EXOC6B: variants seen among roughly 807,000 people sequenced by gnomAD.
The protein encoded by EXOC6B is exocyst complex component 6B.
In EXOC6B, 54 loss-of-function variants were observed where a neutral mutation model predicts 113.5. The observed-to-expected ratio is 0.48, with a 90% CI of 0.38 to 0.60. The LOEUF (loss-of-function observed/expected upper bound fraction) is 0.60, where lower values mean the gene tolerates loss of function less well. Ranked by LOEUF, EXOC6B falls within the 20% of genes least tolerant of loss-of-function variation. EXOC6B has a pLI of 0.00. For missense variants in EXOC6B, 797 were observed against 977.5 expected, an observed-to-expected ratio of 0.82 and a Z score of 2.46; for synonymous variants, 357 against 339.0, an observed-to-expected ratio of 1.05 and a Z score of -0.58.
chr2:72,294,022 G>T (rs531509087), intron 20 of EXOC6B, among the ~76,000 whole-genome samples: 1 of 151,518 alleles, frequency 6.6e-6, no homozygotes, highest in African/African-American at 2.4e-5. Context: ...TCAATAGGAT[G>T]TAAGGAAGAA....
chr2:72,737,579 T>C (rs1283083569), intron 2 of EXOC6B, among the ~76,000 whole-genome samples: 1 of 152,148 alleles, frequency 6.6e-6, no homozygotes, highest in Admixed American at 6.6e-5. Flanking sequence ...TCAGGCTGAG[T>C]GCAGTGGCTC....
intron 18 of EXOC6B, among the ~76,000 whole-genome samples, chr2:72,441,841 C>A (rs1223584244): frequency 6.6e-6 from 1 of 152,202 alleles, no homozygotes; most frequent in Admixed American, 6.5e-5. Flanking sequence ...AGAGCATGTA[C>A]CATTCCTACT....
chr2:72,196,119 A>G (rs1008544116), intron 20 of EXOC6B, among the ~76,000 whole-genome samples: 2 of 152,214 alleles, frequency 1.3e-5, no homozygotes, highest in African/African-American at 4.8e-5. Flanking sequence ...GTGAATTTCA[A>G]TCAAAAAACT....
chr2:72,235,622 G>C (rs1681912694), intron 20 of EXOC6B, among the ~76,000 whole-genome samples: 1 of 151,868 alleles, frequency 6.6e-6, no homozygotes, highest in Non-Finnish European at 1.5e-5. Context: ...ATGCTGTCTA[G>C]AAACTGAGTG....
In EXOC6B at chr2:72,324,882, T is replaced by C. The variant is rs1481345522; in HGVS notation, c.2196+10065A>G. Among the ~76,000 whole-genome samples the C allele has an allele frequency of 2.6e-5, 4 of 152,050 alleles. No homozygotes were observed. In the East Asian group the frequency reaches 7.7e-4, roughly 29 times the overall value. On this transcript the variant is annotated intron_variant, in intron 20 of 21. Transcript: ENST00000272427. ...TTTCTTTCTTCATACCTAAGGGGAT[T>C]TGGAAAAATGCTGAGCATTCAGCAT...
At chr2:72,538,119 G>A (rs1158690600) in intron 8 of EXOC6B, among the ~76,000 whole-genome samples, 3 of 151,606 alleles carry the variant, frequency 2.0e-5, no homozygotes, top group Non-Finnish European at 4.4e-5. Context: ...AACCACAGCC[G>A]GCTAATTTTT....
rs1677938791 is a variant in EXOC6B, at chr2:72,179,329, C to T, written c.*6G>A. On this transcript the variant is annotated 3_prime_UTR_variant, in exon 22 of 22. Transcript: ENST00000272427. Reference sequence around the variant, plus strand: ...CAGGTCGCCTCTGTGGGTCCGGGGTCACCCTTCATGAGTGGTGGCTGCTGA... The same window carrying T: ...CAGGTCGCCTCTGTGGGTCCGGGGTTACCCTTCATGAGTGGTGGCTGCTGA... 1.3e-6 allele frequency: 2 copies of T among 1,599,648 alleles called. No homozygotes were observed. Among genetic ancestry groups the T allele is most frequent in the Non-Finnish European group, 1.7e-6 (2 of 1,172,188 alleles).
intron 14 of EXOC6B, among the ~76,000 whole-genome samples, 184 bp from the exon 15 acceptor site, chr2:72,495,723 CA>C (rs1320916989): frequency 1.3e-5 from 2 of 152,040 alleles, no homozygotes; most frequent in South Asian, 2.1e-4. Context: ...TTAAATAAAA[CA>C]ATAATTCAAA....
At chr2:72,670,894 A>C (rs1675745165) in intron 6 of EXOC6B, among the ~76,000 whole-genome samples, 1 of 152,126 alleles carries the variant, frequency 6.6e-6, no homozygotes, top group East Asian at 1.9e-4. Context: ...ATCCAGTTCT[A>C]TGATGAATCC....
At chr2:72,603,997 A>G (rs1311082060) in intron 6 of EXOC6B, among the ~76,000 whole-genome samples, 4 of 152,102 alleles carry the variant, frequency 2.6e-5, no homozygotes, top group Admixed American at 6.6e-5. Flanking sequence ...GATATGCTAG[A>G]ATGTTTTTTC....
At position 72,687,185 on chromosome 2, in the gene EXOC6B, T is replaced by C. The variant is rs375831790; in HGVS notation, c.669+30918A>G. 1.5e-4 allele frequency among the ~76,000 whole-genome samples: 23 copies of C among 152,218 alleles called. 2 individuals are homozygous for C. The highest frequency in any genetic ancestry group is 4.6e-4 in the African/African-American group (19 of 41,558). On this transcript the variant is annotated intron_variant, in intron 6 of 21. Coordinates refer to ENST00000272427, the MANE Select transcript of EXOC6B (RefSeq NM_015189.3). ...TTTTTCCCCAACTTCCCAACTTTCA[T>C]TCTTATGTTTTTCTTACTTTATAGT...
At chr2:72,208,841 T>A (rs1679990820) in intron 20 of EXOC6B, among the ~76,000 whole-genome samples, 3 of 152,186 alleles carry the variant, frequency 2.0e-5, no homozygotes, top group African/African-American at 7.2e-5. Flanking sequence ...CAATACAGCT[T>A]TTTCTCTCTA....
chr2:72,448,920 A>G (rs538286920), intron 18 of EXOC6B, among the ~76,000 whole-genome samples: 183 of 152,320 alleles, frequency 1.2e-3, no homozygotes, highest in African/African-American at 4.2e-3. Context: ...GGGCCGATAG[A>G]GAGTGTCATT....
At chr2:72,812,680 A>AC (rs903975652) in intron 1 of EXOC6B, among the ~76,000 whole-genome samples, 19 of 132,916 alleles carry the variant, frequency 1.4e-4, no homozygotes, top group African/African-American at 3.7e-4. Context: ...ACTGGGGGAG[A>AC]CCCCCATCTC....
chr2:72,576,885 C>A (rs1365970791), intron 6 of EXOC6B, among the ~76,000 whole-genome samples: 1 of 152,022 alleles, frequency 6.6e-6, no homozygotes, highest in African/African-American at 2.4e-5. Context: ...GTATACATTT[C>A]TTAATCAATA....
intron 8 of EXOC6B, among the ~76,000 whole-genome samples, chr2:72,553,163 TA>T (rs1425147424): frequency 6.6e-6 from 1 of 152,032 alleles, no homozygotes; most frequent in African/African-American, 2.4e-5. Flanking sequence ...GATCAACCTA[TA>T]AAAATCAATA....
intron 8 of EXOC6B, among the ~76,000 whole-genome samples, chr2:72,547,989 C>A (rs1013462046): frequency 1.3e-5 from 2 of 152,028 alleles, no homozygotes; most frequent in African/African-American, 4.8e-5. Context: ...AAGATTTAAA[C>A]CATATAAAAT....
At chr2:72,676,267 C>A (rs930670346) in intron 6 of EXOC6B, among the ~76,000 whole-genome samples, 1 of 152,108 alleles carries the variant, frequency 6.6e-6, no homozygotes, top group Admixed American at 6.6e-5. Flanking sequence ...GAACTTCAAC[C>A]TTTCAAATTA....
chr2:72,537,518 C>T (rs1702365430), intron 8 of EXOC6B, among the ~76,000 whole-genome samples: 1 of 151,268 alleles, frequency 6.6e-6, no homozygotes, highest in African/African-American at 2.4e-5. Context: ...ATAGTCCCAA[C>T]TACTCTGGAG....
Sources: gnomAD v4.1 joint callset for allele counts (sites outside exome capture counted in the v4.1 genomes callset) on GRCh38, gnomAD v4.1.1 for gene constraint, MANE v1.5 for transcripts, NCBI Gene and HGNC (gene_info 2026-07-23, HGNC 2026-07-21) for gene names.